NTM: variants seen among roughly 807,000 people sequenced by gnomAD.
NTM encodes the protein neurotrimin.
NTM carries 13 observed loss-of-function variants against 42.1 expected under a neutral mutation model. The ratio of observed to expected loss-of-function variants is 0.31; its 90% CI spans 0.20 to 0.49. The LOEUF is 0.49. Among genes scored for constraint, NTM ranks in the 20% least tolerant of loss-of-function variants. The pLI, the probability that NTM is intolerant of heterozygous loss-of-function variation, is 0.99. For missense variants in NTM, 373 were observed against 452.8 expected (o/e 0.82, Z 1.60); for synonymous variants, 187 against 179.2 (o/e 1.04, Z -0.35).
rs555422415 is a variant in NTM, at chr11:131,405,012, C to A, written c.82+34124C>A. 3.0e-4 allele frequency among the ~76,000 whole-genome samples: 45 copies of A among 152,238 alleles called. No homozygotes were observed. In the South Asian group the frequency reaches 6.9e-3, roughly 23 times the overall value. On this transcript the variant is annotated intron_variant, in intron 1 of 8. Transcript: ENST00000683400. Reference sequence around the variant, plus strand: ...AATTCCGTATTCCCCTGCAAAACAACAATTAAGGGCTTTATGGGACCAAAG... The same window carrying A: ...AATTCCGTATTCCCCTGCAAAACAAAAATTAAGGGCTTTATGGGACCAAAG...
In NTM at chr11:131,572,095, C is replaced by T. The variant is rs780721273; in HGVS notation, c.82+201207C>T. On this transcript the variant is annotated intron_variant, in intron 1 of 8. Coordinates refer to ENST00000683400, the MANE Select transcript of NTM (RefSeq NM_001352005.2). ...AAAACATGCACATCAGGTCAACCCA[C>T]GGTGCTTGGCTGGTGGGTCAGTGTG... Among the ~76,000 whole-genome samples the T allele has an allele frequency of 8.5e-5, 13 of 152,302 alleles. 1 individual carries two copies. The highest frequency in any genetic ancestry group is 1.2e-4 in the African/African-American group (5 of 41,558).
At chr11:131,413,602 T>C (rs1441592070) in intron 1 of NTM, among the ~76,000 whole-genome samples, 7 of 152,230 alleles carry the variant, frequency 4.6e-5, no homozygotes, top group Non-Finnish European at 1.0e-4. Context: ...TGCTATTTCC[T>C]TTATATCACA....
intron 1 of NTM, among the ~76,000 whole-genome samples, chr11:131,504,759 T>C (rs2047274534): frequency 6.6e-6 from 1 of 152,088 alleles, no homozygotes; most frequent in Non-Finnish European, 1.5e-5. Context: ...TCTCTGTCTA[T>C]TGATTGATCT....
chr11:131,777,208 G>C, intron 1 of NTM: 1 of 251,104 alleles, frequency 4.0e-6, no homozygotes, highest in South Asian at 1.5e-4. Flanking sequence ...GCCTGAGCTA[G>C]ACACCTTGGT....
At chr11:131,468,972 G>A (rs1220256991) in intron 1 of NTM, among the ~76,000 whole-genome samples, 1 of 152,252 alleles carries the variant, frequency 6.6e-6, no homozygotes, top group East Asian at 1.9e-4. Flanking sequence ...ACAATTGGAT[G>A]AAATACCAAG....
At chr11:132,249,827 G>A (rs1055488459) in intron 4 of NTM, among the ~76,000 whole-genome samples, 32 of 152,136 alleles carry the variant, frequency 2.1e-4, no homozygotes, top group African/African-American at 4.6e-4. Flanking sequence ...CCTTCCCCCC[G>A]ATAATCCAAG....
chr11:132,061,509 A>C (rs2080667205), intron 2 of NTM, among the ~76,000 whole-genome samples: 1 of 152,216 alleles, frequency 6.6e-6, no homozygotes, highest in Non-Finnish European at 1.5e-5. Flanking sequence ...TGTTAAATTA[A>C]ATTGAGTTAG....
At chr11:132,248,628 T>TGGA (rs2091539387) in intron 4 of NTM, among the ~76,000 whole-genome samples, 2 of 152,220 alleles carry the variant, frequency 1.3e-5, no homozygotes, top group Non-Finnish European at 2.9e-5. Context: ...AGCCAAGGTC[T>TGGA]GGAAGTGCCC....
intron 1 of NTM, among the ~76,000 whole-genome samples, chr11:131,695,302 G>C (rs1230768257): frequency 6.6e-6 from 1 of 152,106 alleles, no homozygotes; most frequent in African/African-American, 2.4e-5. Flanking sequence ...TATTGTGCTT[G>C]TCCTAAACCT....
intron 2 of NTM, among the ~76,000 whole-genome samples, chr11:131,971,277 A>G (rs2063494839): frequency 6.6e-6 from 1 of 152,174 alleles, no homozygotes; most frequent in Non-Finnish European, 1.5e-5. Flanking sequence ...CGGGTGTAAA[A>G]TGACACCTCA....
chr11:131,910,828 C>G (rs1446944969), intron 1 of NTM: 1 of 984,672 alleles, frequency 1.0e-6, no homozygotes, highest in Non-Finnish European at 1.2e-6. Flanking sequence ...GCGGCCGCAG[C>G]GCGCATTTGG....
At chr11:132,210,959 G>A (rs2082731731) in intron 3 of NTM, among the ~76,000 whole-genome samples, 2 of 150,936 alleles carry the variant, frequency 1.3e-5, no homozygotes, top group East Asian at 3.9e-4. Context: ...AGGTGGGGGA[G>A]AGAGAGAGAG....
intron 1 of NTM, among the ~76,000 whole-genome samples, chr11:131,719,478 T>C (rs77430744): frequency 0.017 from 2,555 of 151,978 alleles, 77 homozygotes; most frequent in African/African-American, 0.058. Context: ...TGTGCAAGGG[T>C]CATGAGGAGG....
chr11:131,451,731 C>T (rs77770113), intron 1 of NTM, among the ~76,000 whole-genome samples: 1,625 of 152,158 alleles, frequency 0.011, 25 homozygotes, highest in African/African-American at 0.037. Context: ...GCTGGAGCCA[C>T]GAGAACTAGT....
chr11:132,329,361 A>G (rs1305858205), intron 7 of NTM, among the ~76,000 whole-genome samples: 1 of 152,230 alleles, frequency 6.6e-6, no homozygotes, highest in Non-Finnish European at 1.5e-5. Flanking sequence ...GAGAGACTCC[A>G]TAGGTTGTTC....
At chr11:131,634,474 G>A (rs78589276) in intron 1 of NTM, among the ~76,000 whole-genome samples, 7,405 of 152,008 alleles carry the variant, frequency 0.049, 444 homozygotes, top group African/African-American at 0.14. Flanking sequence ...TCTCTTCTAA[G>A]CCTAAACTAG....
chr11:131,600,088 G>A (rs2060336246), intron 1 of NTM, among the ~76,000 whole-genome samples: 1 of 152,188 alleles, frequency 6.6e-6, no homozygotes, highest in African/African-American at 2.4e-5. Context: ...TGCTCAATCG[G>A]CTTCTGTTAT....
intron 1 of NTM, among the ~76,000 whole-genome samples, chr11:131,789,828 A>C (rs112066160): frequency 0.045 from 6,732 of 149,956 alleles, 423 homozygotes; most frequent in African/African-American, 0.13. Flanking sequence ...TGGTGGCGGG[A>C]GCCTGTAGTC....
At chr11:131,886,441 ATGGTTTTGC>A (rs1565679444) in intron 1 of NTM, among the ~76,000 whole-genome samples, 1 of 152,110 alleles carries the variant, frequency 6.6e-6, no homozygotes, top group Admixed American at 6.5e-5. Flanking sequence ...TGGGGATGCA[ATGGTTTTGC>A]TGGGGCAGCA....
Sources: gnomAD v4.1 joint callset for allele counts (sites outside exome capture counted in the v4.1 genomes callset) on GRCh38, gnomAD v4.1.1 for gene constraint, MANE v1.5 for transcripts, NCBI Gene and HGNC (gene_info 2026-07-23, HGNC 2026-07-21) for gene names.